The following SND1 variants were observed in gnomAD, a reference collection of about 807,000 sequenced individuals.
SND1 encodes the protein staphylococcal nuclease and tudor domain containing 1, also known as staphylococcal nuclease domain-containing protein 1.
Under a neutral mutation model 121.7 loss-of-function variants are expected in SND1, and 38 were observed. That is an observed-to-expected ratio of 0.31 (90% CI 0.24 to 0.41). The LOEUF (loss-of-function observed/expected upper bound fraction) is 0.41. Among genes scored for constraint, SND1 ranks in the 10% least tolerant of loss-of-function variants. SND1 has a pLI of 1.00. For synonymous variants in SND1, 401 were observed against 447.4 expected (o/e 0.90, Z 1.31); for missense variants, 868 against 1,184.6 (o/e 0.73, Z 3.92).
intron 10 of SND1, among the ~76,000 whole-genome samples, chr7:127,746,570 C>T (rs1562998951): frequency 6.6e-6 from 1 of 152,168 alleles, no homozygotes; most frequent in Non-Finnish European, 1.5e-5. Flanking sequence ...AATGGAAACG[C>T]CACAGGCATC....
Position 128,074,490 on chromosome 7 carries a change from T to C in SND1, c.1780-12T>C, listed in dbSNP as rs928348349. The C allele has an allele frequency of 6.2e-7, 1 of 1,605,276 alleles. No homozygotes were observed. The highest frequency in any genetic ancestry group is 8.5e-7 in the Non-Finnish European group (1 of 1,174,176). On this transcript the variant is annotated splice_polypyrimidine_tract_variant and intron_variant, in intron 16 of 23. Transcript: ENST00000354725. ...TGGCCCCCACAGGCTTACGCCTGTC[T>C]CTCTGTCCCAGGTGGAGGTGGAGGT...
rs557691297 is a variant in SND1 at position 127,784,568 on chromosome 7, C to T, written c.1153-22916C>T. Among the ~76,000 whole-genome samples, 161 of 152,336 alleles carry T rather than the reference C, an allele frequency of 1.1e-3. 1 individual carries two copies. In the Middle Eastern group the frequency reaches 0.034, roughly 32 times the overall value. On this transcript the variant is annotated intron_variant, in intron 10 of 23. Transcript: ENST00000354725. ...AATTTCAGAATAATGGACAGTCCTT[C>T]AACCTGGAGTAATTTACAGTAAATT...
intron 16 of SND1, chr7:128,027,861 T>G (rs1803524412): frequency 6.6e-6 from 1 of 151,190 alleles, no homozygotes; most frequent in South Asian, 2.1e-4. Flanking sequence ...AAACCCTGAA[T>G]AGACACATGC....
chr7:127,702,595 T>A, intron 6 of SND1, 69 bp downstream of exon 6: 1 of 1,278,538 alleles, frequency 7.8e-7, no homozygotes, highest in Non-Finnish European at 1.1e-6. Context: ...ATTCTTCTAC[T>A]TGGGGACTTC....
At chr7:127,922,175 C>CTTTTTTTTTTTTTTTGTTTTTTT (rs1800722065) in intron 14 of SND1, among the ~76,000 whole-genome samples, 1 of 57,176 alleles carries the variant, frequency 1.7e-5, no homozygotes, top group African/African-American at 7.5e-5. Context: ...TTTTTCTTTC[C>CTTTTTTTTTTTTTTTGTTTTTTT]TTTTTTTTTT....
chr7:127,888,347 T>A (rs879405086), intron 13 of SND1, among the ~76,000 whole-genome samples: 4 of 152,170 alleles, frequency 2.6e-5, no homozygotes, highest in Non-Finnish European at 5.9e-5. Context: ...AAGCCGTGCT[T>A]ATGTCTGTAG....
intron 14 of SND1, among the ~76,000 whole-genome samples, chr7:127,913,263 T>A (rs936705029): frequency 1.3e-5 from 2 of 152,186 alleles, no homozygotes; most frequent in African/African-American, 2.4e-5. Context: ...CAGGAAACTT[T>A]CTGCCATAAA....
chr7:127,763,466 C>T (rs766293631), intron 10 of SND1, among the ~76,000 whole-genome samples: 25 of 152,210 alleles, frequency 1.6e-4, no homozygotes, highest in Non-Finnish European at 3.1e-4. Flanking sequence ...CCTGCCTCAG[C>T]CTTTCAAGTA....
intron 10 of SND1, among the ~76,000 whole-genome samples, chr7:127,777,072 T>G (rs1390321302): frequency 6.6e-6 from 1 of 152,232 alleles, no homozygotes; most frequent in African/African-American, 2.4e-5. Flanking sequence ...CTTTTCATCC[T>G]CAGTCACAAA....
intron 1 of SND1, among the ~76,000 whole-genome samples, chr7:127,662,330 T>A (rs1795329209): frequency 6.6e-6 from 1 of 152,250 alleles, no homozygotes; most frequent in Non-Finnish European, 1.5e-5. Flanking sequence ...ACTATCTTTC[T>A]GTCGTAGATC....
At chr7:127,656,052 T>C (rs1309122021) in intron 1 of SND1, among the ~76,000 whole-genome samples, 2 of 152,170 alleles carry the variant, frequency 1.3e-5, no homozygotes, top group Non-Finnish European at 2.9e-5. Context: ...GGGAAAGGAA[T>C]GCCTCTGCCA....
intron 9 of SND1, among the ~76,000 whole-genome samples, chr7:127,709,498 G>A (rs141043898): frequency 4.6e-5 from 7 of 152,184 alleles, no homozygotes; most frequent in Non-Finnish European, 7.3e-5. Context: ...GCCTTGGCTG[G>A]TTGGGGAGTT....
intron 12 of SND1, among the ~76,000 whole-genome samples, chr7:127,874,459 G>A (rs2116705897): frequency 6.6e-6 from 1 of 152,198 alleles, no homozygotes; most frequent in South Asian, 2.1e-4. Flanking sequence ...TAGGACAGTG[G>A]TGGAGTAGAG....
chr7:127,676,449 G>A (rs761739580), intron 1 of SND1, among the ~76,000 whole-genome samples: 13 of 152,088 alleles, frequency 8.5e-5, no homozygotes, highest in African/African-American at 1.2e-4. Context: ...TTGAGTTTGC[G>A]TTCAAACTCA....
At chr7:127,714,181 A>G (rs1587614732) in intron 9 of SND1, among the ~76,000 whole-genome samples, 1 of 152,100 alleles carries the variant, frequency 6.6e-6, no homozygotes. Flanking sequence ...CTGTACCTAT[A>G]TATAGATTAA....
At chr7:128,017,965 C>G (rs1803262786) in intron 16 of SND1, among the ~76,000 whole-genome samples, 1 of 152,210 alleles carries the variant, frequency 6.6e-6, no homozygotes, top group Non-Finnish European at 1.5e-5. Flanking sequence ...GACAAGGGCT[C>G]TCTATCCAGC....
At chr7:127,969,560 C>T (rs1200235905) in intron 15 of SND1, among the ~76,000 whole-genome samples, 2 of 152,128 alleles carry the variant, frequency 1.3e-5, no homozygotes, top group African/African-American at 2.4e-5. Context: ...CCCGTCTCTA[C>T]TAAAAATACA....
At chr7:127,858,342 C>A in intron 12 of SND1, 1 of 1,336,652 alleles carries the variant, frequency 7.5e-7, no homozygotes, top group East Asian at 2.5e-5. Flanking sequence ...CCTCGGGCCC[C>A]CAGATGCCTC....
At chr7:127,804,953 G>C (rs1292366208) in intron 10 of SND1, among the ~76,000 whole-genome samples, 8 of 152,204 alleles carry the variant, frequency 5.3e-5, no homozygotes, top group African/African-American at 1.9e-4. Context: ...CTGAGGGCTG[G>C]TTGTGATAAC....
Sources: gnomAD v4.1 joint callset for allele counts (sites outside exome capture counted in the v4.1 genomes callset) on GRCh38, gnomAD v4.1.1 for gene constraint, MANE v1.5 for transcripts, NCBI Gene and HGNC (gene_info 2026-07-23, HGNC 2026-07-21) for gene names.